The following RAB30 variants were observed in gnomAD, a reference collection of about 807,000 sequenced individuals.
The protein encoded by RAB30 is ras-related protein Rab-30.
RAB30 carries 9 observed loss-of-function variants against 25.1 expected under a neutral mutation model. The ratio of observed to expected loss-of-function variants is 0.36; its 90% CI spans 0.22 to 0.63. The LOEUF is 0.63. Among genes scored for constraint, RAB30 ranks in the 20% least tolerant of loss-of-function variants. The pLI is 0.69. For synonymous variants in RAB30, 77 were observed against 86.4 expected (o/e 0.89, Z 0.60); for missense variants, 140 against 243.5 (o/e 0.58, Z 2.83).
At chr11:83,053,731 T>C (rs918609228) in intron 1 of RAB30, among the ~76,000 whole-genome samples, 2 of 152,214 alleles carry the variant, frequency 1.3e-5, no homozygotes, top group Admixed American at 1.3e-4. Context: ...GGAACTTAAC[T>C]GTCATATATG....
At chr11:83,007,946 C>T (rs1163935700) in intron 1 of RAB30, among the ~76,000 whole-genome samples, 3 of 152,244 alleles carry the variant, frequency 2.0e-5, no homozygotes, top group African/African-American at 7.2e-5. Context: ...GCAGGTGGGG[C>T]TCCCTCTGTT....
chr11:83,062,933 T>C (rs943529861), intron 1 of RAB30, among the ~76,000 whole-genome samples: 5 of 149,856 alleles, frequency 3.3e-5, no homozygotes, highest in African/African-American at 4.9e-5. Context: ...AACCCAGGAG[T>C]TGGAGGTTGC....
At chr11:83,044,708 A>C (rs911785910) in intron 1 of RAB30, among the ~76,000 whole-genome samples, 7 of 152,214 alleles carry the variant, frequency 4.6e-5, no homozygotes, top group African/African-American at 1.7e-4. Flanking sequence ...CTGAAAAATA[A>C]ATGCAGCAAA....
At chr11:83,031,166 A>C (rs1014735264) in intron 1 of RAB30, among the ~76,000 whole-genome samples, 5 of 152,254 alleles carry the variant, frequency 3.3e-5, no homozygotes, top group African/African-American at 1.2e-4. Context: ...CAGAACTGTG[A>C]AAATACTAAT....
chr11:82,978,315 G>T lies in RAB30; in HGVS notation c.*3850C>A, dbSNP rs1013415167. On this transcript the variant is annotated 3_prime_UTR_variant, in exon 5 of 5. Coordinates refer to ENST00000527633, the MANE Select transcript of RAB30 (RefSeq NM_001286060.2). ...AGTACTCATTACTATGAAATACAGA[G>T]TTCTACAAGATTAAGAAATAAAAAA... 1.3e-5 allele frequency: 2 copies of T among 152,060 alleles called. No individual in the cohort carries two copies. The highest frequency in any genetic ancestry group is 4.8e-5 in the African/African-American group (2 of 41,404). 9.4% of individuals were successfully genotyped at this position (152,060 alleles called of 1,614,324 possible). A position where few individuals can be genotyped will look rare whatever the true frequency, so the allele number is the denominator to read the frequency against.
At chr11:83,002,570 T>C (rs1374905649) in intron 1 of RAB30, among the ~76,000 whole-genome samples, 5 of 152,142 alleles carry the variant, frequency 3.3e-5, no homozygotes, top group African/African-American at 7.2e-5. Context: ...AAATCTAGTA[T>C]GAAAAGCTTA....
chr11:83,003,580 G>C (rs1231271143), intron 1 of RAB30, among the ~76,000 whole-genome samples: 1 of 152,026 alleles, frequency 6.6e-6, no homozygotes, highest in Non-Finnish European at 1.5e-5. Context: ...GCACCACCAT[G>C]CCTGGGTAAT....
intron 1 of RAB30, among the ~76,000 whole-genome samples, chr11:83,016,965 G>A (rs1448510984): frequency 3.9e-5 from 6 of 152,166 alleles, no homozygotes; most frequent in Non-Finnish European, 7.3e-5. Flanking sequence ...GAAAGAGTTG[G>A]AGGGGAGGAT....
At chr11:83,002,405 T>C (rs762264900) in intron 1 of RAB30, among the ~76,000 whole-genome samples, 1 of 152,162 alleles carries the variant, frequency 6.6e-6, no homozygotes, top group African/African-American at 2.4e-5. Context: ...GTACCAGGCA[T>C]AGGGAATATA....
At chr11:83,054,698 G>A (rs1263957710) in intron 1 of RAB30, among the ~76,000 whole-genome samples, 4 of 147,454 alleles carry the variant, frequency 2.7e-5, no homozygotes, top group East Asian at 2.0e-4. Flanking sequence ...CTGTGTCTAC[G>A]AAAAAAAAAA....
intron 4 of RAB30, chr11:82,987,297 G>C (rs1856756356): frequency 8.9e-6 from 2 of 224,758 alleles, no homozygotes; most frequent in Non-Finnish European, 1.7e-5. Context: ...CTTTCATCTT[G>C]TAATTAGACT....
At chr11:83,045,663 A>G (rs1409075631) in intron 1 of RAB30, among the ~76,000 whole-genome samples, 5 of 152,284 alleles carry the variant, frequency 3.3e-5, no homozygotes, top group Middle Eastern at 3.4e-3. Context: ...TAACCTGTAC[A>G]AGTTTTGTCT....
intron 1 of RAB30, among the ~76,000 whole-genome samples, chr11:83,048,207 G>GA (rs1261254366): frequency 2.6e-5 from 4 of 151,834 alleles, no homozygotes; most frequent in South Asian, 2.1e-4. Context: ...GGTTTAAAAA[G>GA]AAAAAAAATC....
At chr11:83,003,206 A>G (rs1904427) in intron 1 of RAB30, among the ~76,000 whole-genome samples, 87,769 of 152,120 alleles carry the variant, frequency 0.58, 25,885 homozygotes, top group African/African-American at 0.72. Context: ...CCAGTGAGTT[A>G]CGTGAGAGGC....
chr11:83,024,284 C>G (rs1857657492), intron 1 of RAB30, among the ~76,000 whole-genome samples: 1 of 152,160 alleles, frequency 6.6e-6, no homozygotes, highest in Non-Finnish European at 1.5e-5. Context: ...CCTTCAGGAC[C>G]AACTTCTTAC....
rs569104219 is a variant in RAB30 at position 82,975,490 on chromosome 11, A to C, written c.*6675T>G. 6.6e-6 allele frequency: 1 copy of C among 152,244 alleles called. No individual in the cohort carries two copies. The highest frequency in any genetic ancestry group is 1.5e-5 in the Non-Finnish European group (1 of 67,982). The allele number at this position is 152,244 out of a possible 1,614,324, so 9.4% of individuals were successfully genotyped here. ...TTTGTATTCCAATTTTTGTTTTAGAATTTAGTGCACACGTAGAAAGGGGAA... is the reference window on the plus strand; with the variant it reads ...TTTGTATTCCAATTTTTGTTTTAGACTTTAGTGCACACGTAGAAAGGGGAA... On this transcript the variant is annotated 3_prime_UTR_variant, in exon 5 of 5. Transcript: ENST00000527633.
At chr11:82,985,120 G>C (rs961686085) in intron 4 of RAB30, among the ~76,000 whole-genome samples, 3 of 152,084 alleles carry the variant, frequency 2.0e-5, no homozygotes, top group African/African-American at 7.2e-5. Flanking sequence ...TTACAGGCAT[G>C]CTTGGCTAAT....
At chr11:83,004,161 C>T (rs1857140850) in intron 1 of RAB30, among the ~76,000 whole-genome samples, 1 of 152,112 alleles carries the variant, frequency 6.6e-6, no homozygotes, top group Non-Finnish European at 1.5e-5. Flanking sequence ...CTCCATGAAA[C>T]ATTAGTGTAG....
intron 1 of RAB30, among the ~76,000 whole-genome samples, chr11:83,017,571 T>C (rs1857466117): frequency 6.6e-6 from 1 of 151,840 alleles, no homozygotes; most frequent in Admixed American, 6.6e-5. Flanking sequence ...GTCCATGTCA[T>C]TCCTATGCCT....
Sources: gnomAD v4.1 joint callset for allele counts (sites outside exome capture counted in the v4.1 genomes callset) on GRCh38, gnomAD v4.1.1 for gene constraint, MANE v1.5 for transcripts, NCBI Gene and HGNC (gene_info 2026-07-23, HGNC 2026-07-21) for gene names.